COLEC12: variants seen among roughly 807,000 people sequenced by gnomAD.
COLEC12 encodes collectin subfamily member 12, also known as collectin-12.
In COLEC12, 33 loss-of-function variants were observed where a neutral mutation model predicts 71.1. The ratio of observed to expected loss-of-function variants is 0.46; its 90% CI spans 0.35 to 0.62. The LOEUF (loss-of-function observed/expected upper bound fraction) is 0.62. COLEC12 is among the 20% of genes least tolerant of loss of function. The pLI is 0.00. For missense variants in COLEC12, 765 were observed against 916.1 expected (o/e 0.84, Z 2.13); for synonymous variants, 350 against 353.0 (o/e 0.99, Z 0.10).
intron 2 of COLEC12, among the ~76,000 whole-genome samples, chr18:457,222 A>G (rs1916890653): frequency 6.6e-6 from 1 of 152,176 alleles, no homozygotes; most frequent in Admixed American, 6.5e-5. Context: ...TATGGACGCG[A>G]GCCGTGTAAA....
At chr18:458,692 C>T (rs753584388) in intron 2 of COLEC12, among the ~76,000 whole-genome samples, 26 of 152,238 alleles carry the variant, frequency 1.7e-4, no homozygotes, top group Admixed American at 1.4e-3. Context: ...TCTAAACTGT[C>T]GTCTTCCAGA....
At chr18:334,643 A>T in intron 6 of COLEC12, 99 bp downstream of exon 6, 1 of 1,152,574 alleles carries the variant, frequency 8.7e-7, no homozygotes, top group Admixed American at 3.2e-5. Flanking sequence ...AAAAACAAAA[A>T]CAAAAATAAC....
chr18:381,606 T>C (rs929552738), intron 2 of COLEC12, among the ~76,000 whole-genome samples: 7 of 152,242 alleles, frequency 4.6e-5, no homozygotes, highest in Non-Finnish European at 7.3e-5. Context: ...TATATATTCT[T>C]TGATATGTCA....
At chr18:331,567 G>A in intron 8 of COLEC12, 101 bp downstream of exon 8, 1 of 732,164 alleles carries the variant, frequency 1.4e-6, no homozygotes, top group Non-Finnish European at 2.4e-6. Context: ...GAGCGTCTAG[G>A]ACACGAGGTC....
intron 2 of COLEC12, among the ~76,000 whole-genome samples, chr18:471,265 G>A (rs889269920): frequency 9.3e-6 from 1 of 107,428 alleles, no homozygotes; most frequent in African/African-American, 3.6e-5. Flanking sequence ...CTCAGACCAG[G>A]AGACCAATTT....
chr18:443,171 T>C (rs1053612108), intron 2 of COLEC12, among the ~76,000 whole-genome samples: 3 of 152,254 alleles, frequency 2.0e-5, no homozygotes, highest in Admixed American at 6.5e-5. Flanking sequence ...ATATATTCTC[T>C]TTCCAATTGC....
chr18:321,296 T>C (rs1913698446), intron 9 of COLEC12, among the ~76,000 whole-genome samples: 1 of 152,194 alleles, frequency 6.6e-6, no homozygotes, highest in African/African-American at 2.4e-5. Context: ...TCAGGTGATC[T>C]GCCCGCCTCC....
chr18:482,029 T>C (rs11877117), intron 1 of COLEC12, among the ~76,000 whole-genome samples: 27,809 of 151,834 alleles, frequency 0.18, 2,759 homozygotes, highest in Admixed American at 0.25. Flanking sequence ...GTAGTGAGCA[T>C]AGCACCCGAC....
intron 2 of COLEC12, among the ~76,000 whole-genome samples, chr18:466,029 T>C (rs910915383): frequency 2.0e-5 from 3 of 151,914 alleles, no homozygotes; most frequent in East Asian, 1.9e-4. Flanking sequence ...GATTGCACCA[T>C]TGTACTCCGG....
intron 8 of COLEC12, among the ~76,000 whole-genome samples, chr18:330,750 G>A (rs1321737750): frequency 6.6e-6 from 1 of 151,988 alleles, no homozygotes; most frequent in Non-Finnish European, 1.5e-5. Context: ...TCCTTTCATA[G>A]AACTTAGGTC....
chr18:368,593 G>C (rs537194423), intron 2 of COLEC12, among the ~76,000 whole-genome samples: 1 of 150,424 alleles, frequency 6.6e-6, no homozygotes, highest in South Asian at 2.1e-4. Flanking sequence ...GGCCGGGCGC[G>C]GTGGCTCAGG....
chr18:392,262 A>G (rs2143591968), intron 2 of COLEC12, among the ~76,000 whole-genome samples: 1 of 152,304 alleles, frequency 6.6e-6, no homozygotes, highest in East Asian at 1.9e-4. Context: ...ATTACCTACA[A>G]TTCACTACTC....
intron 2 of COLEC12, among the ~76,000 whole-genome samples, chr18:474,033 A>C (rs1041319954): frequency 3.9e-5 from 6 of 152,244 alleles, no homozygotes; most frequent in Admixed American, 1.3e-4. Flanking sequence ...GACACATATT[A>C]TGAAATTGTG....
chr18:431,085 T>C (rs139136225), intron 2 of COLEC12, among the ~76,000 whole-genome samples: 335 of 152,124 alleles, frequency 2.2e-3, no homozygotes, highest in African/African-American at 7.7e-3. Flanking sequence ...CTTGACCTCC[T>C]GGGCTCAAGC....
intron 3 of COLEC12, among the ~76,000 whole-genome samples, chr18:352,149 G>T (rs1271501027): frequency 6.6e-6 from 1 of 152,164 alleles, no homozygotes; most frequent in South Asian, 2.1e-4. Flanking sequence ...CCTTAGGGTT[G>T]CTTCATAGGT....
chr18:492,555 C>T (rs930961289), intron 1 of COLEC12, among the ~76,000 whole-genome samples: 4 of 151,968 alleles, frequency 2.6e-5, no homozygotes, highest in Non-Finnish European at 5.9e-5. Flanking sequence ...AATTCTCATC[C>T]AGTCATTTTA....
intron 2 of COLEC12, among the ~76,000 whole-genome samples, chr18:389,308 T>C (rs1199589331): frequency 6.8e-6 from 1 of 147,496 alleles, no homozygotes; most frequent in African/African-American, 2.5e-5. Flanking sequence ...GGCTGGAGCA[T>C]AGTGGCACGA....
chr18:411,082 T>G (rs1001154846), intron 2 of COLEC12, among the ~76,000 whole-genome samples: 1 of 152,138 alleles, frequency 6.6e-6, no homozygotes, highest in Non-Finnish European at 1.5e-5. Context: ...GAGCTGGAAT[T>G]TCTATCCCTT....
chr18:500,433 C>T lies in COLEC12; in HGVS notation c.7+75G>A. ...CCCAAGGGAAGGTTCGCGCGGGAGG[C>T]ACCTCCGTGGCCTCCCGCGCGCCCC... On this transcript the variant is annotated intron_variant, in intron 1 of 9. Coordinates refer to ENST00000400256, the MANE Select transcript of COLEC12 (RefSeq NM_130386.3). The surrounding 1 kb of genome is among the most constrained non-coding windows in gnomAD (Gnocchi z 5.3). The T allele has an allele frequency of 9.7e-7, 1 of 1,027,366 alleles. No individual in the cohort carries two copies. The highest frequency in any genetic ancestry group is 1.2e-6 in the Non-Finnish European group (1 of 815,414). 63.6% of individuals were successfully genotyped at this position (1,027,366 alleles called of 1,614,324 possible).
Sources: allele counts gnomAD v4.1 joint callset (sites outside exome capture counted in the v4.1 genomes callset), GRCh38; gene constraint gnomAD v4.1.1; non-coding constraint Gnocchi (gnomAD v3.1); transcripts MANE v1.5; gene names NCBI Gene and HGNC (gene_info 2026-07-23, HGNC 2026-07-21).